Variants in OR2AG2 observed in about 807,000 individuals in gnomAD.
OR2AG2 encodes olfactory receptor 2AG2.
For missense variants in OR2AG2, 390 were observed against 391.9 expected (o/e 1.00, Z 0.04); for synonymous variants, 167 against 157.1 (o/e 1.06, Z -0.47).
Position 6,768,707 on chromosome 11 carries a change from T to A in OR2AG2, c.251A>T (p.Asp84Val). The A allele has an allele frequency of 6.2e-7, 1 of 1,614,130 alleles. No homozygotes were observed. Among genetic ancestry groups the A allele is most frequent in the African/African-American group, 1.3e-5 (1 of 75,026 alleles). Residue 84 changes from aspartate to valine, a missense_variant, in exon 2 of 2, where the codon GAC (aspartate) becomes GTC (valine). By Grantham distance (152) the Asp-to-Val change is radical (BLOSUM62 -3). Transcript: ENST00000641124. ...TSVVTPKALA[D>V]FLRRENTISF... Reference sequence around the variant, plus strand: ...GATAGTGTTTTCTCTGCGCAGAAAGTCCGCAAGGGCCTTGGGAGTGACAAC... The same window carrying A: ...GATAGTGTTTTCTCTGCGCAGAAAGACCGCAAGGGCCTTGGGAGTGACAAC...
chr11:6,768,984 C>G lies in OR2AG2; in HGVS notation c.-27G>C. Reference sequence around the variant, plus strand: ...ATGTGTTTTTTTAGTTGCCTAGAACCAAATATATTATCAGTGGAAGCTTTT... The same window carrying G: ...ATGTGTTTTTTTAGTTGCCTAGAACGAAATATATTATCAGTGGAAGCTTTT... On this transcript the variant is annotated 5_prime_UTR_variant, in exon 2 of 2. Coordinates refer to ENST00000641124, the MANE Select transcript of OR2AG2 (RefSeq NM_001004490.2). 3 of 1,527,342 alleles carry G rather than the reference C, an allele frequency of 2.0e-6. No homozygotes were observed. The highest frequency in any genetic ancestry group is 3.5e-5 in the Admixed American group (2 of 56,960). The allele number at this position is 1,527,342 out of a possible 1,614,324, so 94.6% of individuals were successfully genotyped here.
At position 6,768,794 on chromosome 11, in the gene OR2AG2, A is replaced by G. The variant is rs1479552514; in HGVS notation, c.164T>C (p.Leu55Pro). 1.2e-6 allele frequency: 2 copies of G among 1,614,074 alleles called. No homozygotes were observed. Among genetic ancestry groups the G allele is most frequent in the East Asian group, 4.5e-5 (2 of 44,856 alleles). ...AAGCAGGAGGTACATGGGCATGTGG[A>G]GCCGGGCTTCTATGGTGATGGCCAG... ...LLLAITIEAR[L>P]HMPMYLLLGQ... Residue 55 changes from leucine (L) to proline (P), a missense_variant, in exon 2 of 2, where the codon CTC becomes CCC. By Grantham distance (98) the Leu-to-Pro change is moderately conservative. Coordinates refer to ENST00000641124, the MANE Select transcript of OR2AG2 (RefSeq NM_001004490.2).
At position 6,769,081 on chromosome 11, in the gene OR2AG2, G is replaced by A; in HGVS notation, c.-124C>T. On this transcript the variant is annotated 5_prime_UTR_variant, in exon 2 of 2. Coordinates refer to ENST00000641124, the MANE Select transcript of OR2AG2 (RefSeq NM_001004490.2). Reference sequence around the variant, plus strand: ...TTGGCCAATAGGAATCCCATAATATGATATATTTTCCATTTCTTAGTATGC... The same window carrying A: ...TTGGCCAATAGGAATCCCATAATATAATATATTTTCCATTTCTTAGTATGC... The A allele has an allele frequency of 4.8e-6, 3 of 620,992 alleles. No homozygotes were observed. Among genetic ancestry groups the A allele is most frequent in the Non-Finnish European group, 8.2e-6 (3 of 366,704 alleles). 38.5% of individuals were successfully genotyped at this position (620,992 alleles called of 1,614,324 possible). A position where few individuals can be genotyped will look rare whatever the true frequency, so the allele number is the denominator to read the frequency against.
chr11:6,765,963 A>G lies in OR2AG2; in HGVS notation c.*2044T>C, dbSNP rs1345284353. 6.6e-6 allele frequency: 1 copy of G among 152,192 alleles called. No individual in the cohort carries two copies. The highest frequency in any genetic ancestry group is 2.4e-5 in the African/African-American group (1 of 41,458). The allele number at this position is 152,192 out of a possible 1,614,324, so 9.4% of individuals were successfully genotyped here. A position where few individuals can be genotyped will look rare whatever the true frequency, so the allele number is the denominator to read the frequency against. Reference sequence around the variant, plus strand: ...CATGTTTTACTACATTAAGACATACATATTTTGTCAATAAAAATAATAAAC... The same window carrying G: ...CATGTTTTACTACATTAAGACATACGTATTTTGTCAATAAAAATAATAAAC... On this transcript the variant is annotated 3_prime_UTR_variant, in exon 2 of 2. Transcript: ENST00000641124.
Position 6,768,619 on chromosome 11 carries a change from G to A in OR2AG2, c.339C>T (p.Leu113=), listed in dbSNP as rs943723972. 66 of 1,614,080 alleles carry A rather than the reference G, an allele frequency of 4.1e-5. No homozygotes were observed. Among genetic ancestry groups the A allele is most frequent in the Non-Finnish European group, 5.3e-5 (63 of 1,180,032 alleles). ...TGTCATAGGCCATGAAGGCCAGTAG[G>A]AGGTCCTCAGCGCTACCCATTGTCA... The part of the protein sequence containing the change: ...LALTMGSAED[L]LLAFMAYDRY... The change falls in exon 2 of 2, where the codon CTC becomes CTT. Residue 113 remains leucine, a synonymous_variant. Transcript: ENST00000641124.
In OR2AG2 at chr11:6,768,502, T is replaced by G; in HGVS notation, c.456A>C (p.Ala152=). 1 of 1,614,108 alleles carries G rather than the reference T, an allele frequency of 6.2e-7. No individual in the cohort carries two copies. The highest frequency in any genetic ancestry group is 1.1e-5 in the South Asian group (1 of 91,070). ...TGGTATGTCCTATAGCAATCAGGGA[T>G]GCCAGGATCCAGGATGTGGCCACCA... ...WIMVATSWIL[A]SLIAIGHTMY... is the part of the protein sequence containing the mutation. Residue 152 remains alanine (A), a synonymous_variant, in exon 2 of 2, where the codon GCA becomes GCC. Coordinates refer to ENST00000641124, the MANE Select transcript of OR2AG2 (RefSeq NM_001004490.2).
Position 6,767,418 on chromosome 11 carries a change from A to G in OR2AG2, c.*589T>C, listed in dbSNP as rs11821166. On this transcript the variant is annotated 3_prime_UTR_variant, in exon 2 of 2. Coordinates refer to ENST00000641124, the MANE Select transcript of OR2AG2 (RefSeq NM_001004490.2). ...TTATTTATCATTACTCAAGTAACCA[A>G]TGTGAAGGTCCCTTAGGTCTAGAGT... 3 of 152,136 alleles carry G rather than the reference A, an allele frequency of 2.0e-5. No individual in the cohort carries two copies. The highest frequency in any genetic ancestry group is 7.2e-5 in the African/African-American group (3 of 41,390). The allele number at this position is 152,136 out of a possible 1,614,324, so 9.4% of individuals were successfully genotyped here.
At chr11:6,770,249 T>C (rs756743816) in intron 1 of OR2AG2, among the ~76,000 whole-genome samples, 3 of 151,616 alleles carry the variant, frequency 2.0e-5, no homozygotes, top group African/African-American at 7.3e-5. Flanking sequence ...AACACCTACA[T>C]ACATCCAGTG....
chr11:6,768,017 G>GA lies in OR2AG2; in HGVS notation c.940dup (p.Ser314PhefsTer44), dbSNP rs35806826. The GA allele has an allele frequency of 1.9e-6, 3 of 1,611,346 alleles. No individual in the cohort carries two copies. Among genetic ancestry groups the GA allele is most frequent in the Non-Finnish European group, 2.5e-6 (3 of 1,178,326 alleles). The stretch of plus-strand genomic sequence containing the variant: ...AGCCATGATCCTTCCCTAGAGCGTG[G>GA]AATGTGCCAGCAGTATGTATTTTCC... On this transcript the variant is annotated frameshift_variant, in exon 2 of 2. Transcript: ENST00000641124. LOFTEE classifies it high-confidence loss of function.
rs1847391118 is a variant in OR2AG2, at chr11:6,767,757, C to T, written c.*250G>A. 4 of 483,306 alleles carry T rather than the reference C, an allele frequency of 8.3e-6. No individual in the cohort carries two copies. The East Asian group carries it at 1.3e-4, about 16-fold the overall frequency. The allele number at this position is 483,306 out of a possible 1,614,324, so 29.9% of individuals were successfully genotyped here. A position where few individuals can be genotyped will look rare whatever the true frequency, so the allele number is the denominator to read the frequency against. On this transcript the variant is annotated 3_prime_UTR_variant, in exon 2 of 2. Coordinates refer to ENST00000641124, the MANE Select transcript of OR2AG2 (RefSeq NM_001004490.2). ...TACAACACCCATTCAAGGCTTTTCCCCCATCTGGTTATTTTTATAACATGG... is the reference window on the plus strand; with the variant it reads ...TACAACACCCATTCAAGGCTTTTCCTCCATCTGGTTATTTTTATAACATGG...
rs1384264528 is a variant in OR2AG2 at position 6,767,635 on chromosome 11, C to G, written c.*372G>C. The G allele has an allele frequency of 4.5e-5, 9 of 199,124 alleles. No individual in the cohort carries two copies. Among genetic ancestry groups the G allele is most frequent in the Non-Finnish European group, 4.1e-5 (4 of 98,378 alleles). 12.3% of individuals were successfully genotyped at this position (199,124 alleles called of 1,614,324 possible). On this transcript the variant is annotated 3_prime_UTR_variant, in exon 2 of 2. Transcript: ENST00000641124. Reference sequence around the variant, plus strand: ...GAATTTGGTCAGTCCAAAACTACTGCTGCTTCTCACTGCTATGTGATGTTA... The same window carrying G: ...GAATTTGGTCAGTCCAAAACTACTGGTGCTTCTCACTGCTATGTGATGTTA...
intron 1 of OR2AG2, among the ~76,000 whole-genome samples, chr11:6,770,805 G>C (rs11825348): frequency 0.28 from 42,707 of 152,126 alleles, 6,511 homozygotes; most frequent in Middle Eastern, 0.37. Context: ...TCCTGCACCA[G>C]ATGTTTGGAC....
rs1847391523 is a variant in OR2AG2 at position 6,767,810 on chromosome 11, AAAT to A, written c.*194_*196del. 2 of 557,406 alleles carry A rather than the reference AAAT, an allele frequency of 3.6e-6. No homozygotes were observed. Among genetic ancestry groups the A allele is most frequent in the Admixed American group, 6.7e-5 (2 of 29,814 alleles). The allele number at this position is 557,406 out of a possible 1,614,324, so 34.5% of individuals were successfully genotyped here. A position where few individuals can be genotyped will look rare whatever the true frequency, so the allele number is the denominator to read the frequency against. ...TTCCAAAGTCAGGATGATGTGTGCC[AAAT>A]GAGTTTAACTCAAGATCATTGTACA... On this transcript the variant is annotated 3_prime_UTR_variant, in exon 2 of 2. Transcript: ENST00000641124.
Position 6,768,525 on chromosome 11 carries a change from C to T in OR2AG2, c.433G>A (p.Val145Met), listed in dbSNP as rs756956653. The T allele has an allele frequency of 6.2e-7, 1 of 1,614,082 alleles. No homozygotes were observed. The highest frequency in any genetic ancestry group is 1.1e-5 in the South Asian group (1 of 91,070). Residue 145 changes from valine to methionine, a missense_variant, in exon 2 of 2, where the codon GTG becomes ATG. Transcript: ENST00000641124. ...LMSPRVCWIMVATSWILASLI... is the reference protein window; with the variant it reads ...LMSPRVCWIMMATSWILASLI... ...GATGCCAGGATCCAGGATGTGGCCACCATGATCCAGCAGACTCTTGGGCTC... is the reference window on the plus strand; with the variant it reads ...GATGCCAGGATCCAGGATGTGGCCATCATGATCCAGCAGACTCTTGGGCTC...
rs1015611725 is a variant in OR2AG2 at position 6,766,564 on chromosome 11, A to G, written c.*1443T>C. The G allele has an allele frequency of 3.3e-5, 5 of 152,116 alleles. No individual in the cohort carries two copies. Among genetic ancestry groups the G allele is most frequent in the Non-Finnish European group, 7.4e-5 (5 of 68,014 alleles). 9.4% of individuals were successfully genotyped at this position (152,116 alleles called of 1,614,324 possible). A position where few individuals can be genotyped will look rare whatever the true frequency, so the allele number is the denominator to read the frequency against. On this transcript the variant is annotated 3_prime_UTR_variant, in exon 2 of 2. Coordinates refer to ENST00000641124, the MANE Select transcript of OR2AG2 (RefSeq NM_001004490.2). ...TAAATAATGTAATATTATTTCTATAAAGAAAACAAGAATTATTGTGTTTTG... is the reference window on the plus strand; with the variant it reads ...TAAATAATGTAATATTATTTCTATAGAGAAAACAAGAATTATTGTGTTTTG...
chr11:6,770,887 T>C (rs1034648651), intron 1 of OR2AG2, among the ~76,000 whole-genome samples: 4 of 152,158 alleles, frequency 2.6e-5, no homozygotes, highest in Non-Finnish European at 4.4e-5. Context: ...CCTACATACC[T>C]ACCTCCTCCC....
rs1443921339 is a variant in OR2AG2 at position 6,768,999 on chromosome 11, T to G, written c.-42A>C. 6.9e-7 allele frequency: 1 copy of G among 1,448,368 alleles called. No homozygotes were observed. The highest frequency in any genetic ancestry group is 9.5e-7 in the Non-Finnish European group (1 of 1,050,640). 89.7% of individuals were successfully genotyped at this position (1,448,368 alleles called of 1,614,324 possible). A position where few individuals can be genotyped will look rare whatever the true frequency, so the allele number is the denominator to read the frequency against. On this transcript the variant is annotated 5_prime_UTR_variant, in exon 2 of 2. Transcript: ENST00000641124. ...TGCCTAGAACCAAATATATTATCAGTGGAAGCTTTTCTAAAGGTGTTCACT... is the reference window on the plus strand; with the variant it reads ...TGCCTAGAACCAAATATATTATCAGGGGAAGCTTTTCTAAAGGTGTTCACT...
rs758604985 is a variant in OR2AG2, at chr11:6,768,850, C to A, written c.108G>T (p.Met36Ile). 6.2e-7 allele frequency: 1 copy of A among 1,614,130 alleles called. No individual in the cohort carries two copies. Among genetic ancestry groups the A allele is most frequent in the East Asian group, 2.2e-5 (1 of 44,870 alleles). Residue 36 changes from methionine (M) to isoleucine (I), a missense_variant, in exon 2 of 2, where the codon ATG (methionine) becomes ATT (isoleucine). Physicochemically the swap from Met to Ile is conservative, Grantham distance 10. Coordinates refer to ENST00000641124, the MANE Select transcript of OR2AG2 (RefSeq NM_001004490.2). ...GCAGACCATTGCTGGTCAGTGCCAA[C>A]ATGTATAGGATTGTAAATGTAGCAT... ...LLYATFTILY[M>I]LALTSNGLLL...
intron 1 of OR2AG2, among the ~76,000 whole-genome samples, chr11:6,770,417 A>T (rs1847436369): frequency 6.6e-6 from 1 of 151,934 alleles, no homozygotes; most frequent in Admixed American, 6.6e-5. Flanking sequence ...AAAAAAAGTG[A>T]GGGATGGTAC....
Sources: gnomAD v4.1 joint callset for allele counts (sites outside exome capture counted in the v4.1 genomes callset) on GRCh38, gnomAD v4.1.1 for gene constraint, MANE v1.5 for transcripts, NCBI Gene and HGNC (gene_info 2026-07-23, HGNC 2026-07-21) for gene names.